ROR1: variants seen among roughly 807,000 people sequenced by gnomAD.
ROR1 encodes the protein ROR family WNT receptor 1, also known as inactive tyrosine-protein kinase transmembrane receptor ROR1.
ROR1 carries 19 observed loss-of-function variants against 78.8 expected under a neutral mutation model. The ratio of observed to expected loss-of-function variants is 0.24; its 90% CI spans 0.17 to 0.35. ROR1 has a LOEUF of 0.35. Among genes scored for constraint, ROR1 ranks in the 10% least tolerant of loss-of-function variants. The pLI is 1.00. For missense variants in ROR1, 917 were observed against 1,177.8 expected (o/e 0.78, Z 3.24); for synonymous variants, 386 against 433.6 (o/e 0.89, Z 1.36).
At chr1:64,072,963 G>A (rs1647019818) in intron 4 of ROR1, among the ~76,000 whole-genome samples, 1 of 152,146 alleles carries the variant, frequency 6.6e-6, no homozygotes, top group Non-Finnish European at 1.5e-5. Context: ...TAGAGTAGTT[G>A]TGATGAAAAA....
chr1:63,898,649 G>T (rs561711867), intron 1 of ROR1, among the ~76,000 whole-genome samples: 1 of 151,988 alleles, frequency 6.6e-6, no homozygotes, highest in East Asian at 1.9e-4. Flanking sequence ...AAAGAAGGGG[G>T]TGAAAGAGAA....
At chr1:64,100,836 G>T (rs1047582391) in intron 4 of ROR1, among the ~76,000 whole-genome samples, 1 of 152,166 alleles carries the variant, frequency 6.6e-6, no homozygotes, top group African/African-American at 2.4e-5. Context: ...ATACTCTGGG[G>T]TGTGTAATTC....
At chr1:63,838,317 G>A (rs1326902188) in intron 1 of ROR1, among the ~76,000 whole-genome samples, 1 of 151,766 alleles carries the variant, frequency 6.6e-6, no homozygotes, top group Non-Finnish European at 1.5e-5. Flanking sequence ...CCTTCAGGAG[G>A]TATTTCAGAA....
intron 7 of ROR1, among the ~76,000 whole-genome samples, chr1:64,143,759 A>C (rs562490598): frequency 3.2e-4 from 48 of 152,186 alleles, no homozygotes; most frequent in Admixed American, 5.9e-4. Context: ...CGGAACAAGC[A>C]AAAGGGAGAG....
At chr1:63,994,754 T>C (rs571884498) in intron 1 of ROR1, among the ~76,000 whole-genome samples, 2 of 152,360 alleles carry the variant, frequency 1.3e-5, no homozygotes, top group South Asian at 4.1e-4. Context: ...TGAAAATGGA[T>C]GACCACATTC....
At chr1:63,922,495 A>AGGTTTTCATT (rs1645664315) in intron 1 of ROR1, among the ~76,000 whole-genome samples, 2 of 152,274 alleles carry the variant, frequency 1.3e-5, no homozygotes, top group Admixed American at 1.3e-4. Context: ...GCATGAGTTT[A>AGGTTTTCATT]TGTCGAAGCC....
At chr1:63,931,656 A>G (rs1645753693) in intron 1 of ROR1, among the ~76,000 whole-genome samples, 3 of 152,152 alleles carry the variant, frequency 2.0e-5, no homozygotes, top group African/African-American at 7.2e-5. Context: ...TGTCCTGCGT[A>G]TCTAAGCTGT....
rs34933492 is a variant in ROR1 at position 63,786,256 on chromosome 1, A to ATTT, written c.91+11780_91+11782dup. Among the ~76,000 whole-genome samples the ATTT allele has an allele frequency of 9.2e-3, 618 of 67,524 alleles. 75 individuals are homozygous for ATTT. The highest frequency in any genetic ancestry group is 0.013 in the Admixed American group (55 of 4,084). The allele number at this position is 67,524 out of a possible 152,430, so 44.3% of individuals were successfully genotyped here. A position where few individuals can be genotyped will look rare whatever the true frequency, so the allele number is the denominator to read the frequency against. ...CCCCCCTTACGCTGGCTACAACTTG[A>ATTT]TTTTTTTTTTTTTTTTTTTTTTTTT... On this transcript the variant is annotated intron_variant, in intron 1 of 8. Transcript: ENST00000371079.
At chr1:63,890,998 T>A (rs537842501) in intron 1 of ROR1, among the ~76,000 whole-genome samples, 1 of 152,192 alleles carries the variant, frequency 6.6e-6, no homozygotes, top group South Asian at 2.1e-4. Flanking sequence ...AAACTATATT[T>A]TTCTGCCTGG....
In ROR1 at chr1:64,174,772, A is replaced by ATGTT. The variant is rs1394310131; in HGVS notation, c.1387-2656_1387-2655insTGTT. 2.6e-5 allele frequency among the ~76,000 whole-genome samples: 4 copies of ATGTT among 152,278 alleles called. No homozygotes were observed. The East Asian group carries it at 5.8e-4, about 22-fold the overall frequency. On this transcript the variant is annotated intron_variant, in intron 8 of 8. Transcript: ENST00000371079. ...TCTTAATGTCATGCAGGAAAAATTC[A>ATGTT]CCTTGAGTTACTCTTGCCAGCAAAA...
rs372420660 is a variant in ROR1 at position 64,091,431 on chromosome 1, A to G, written c.482+40715A>G. Among the ~76,000 whole-genome samples the G allele has an allele frequency of 1.6e-3, 244 of 152,318 alleles. 2 individuals carry two copies. The highest frequency in any genetic ancestry group is 4.5e-3 in the African/African-American group (189 of 41,580). On this transcript the variant is annotated intron_variant, in intron 4 of 8. Coordinates refer to ENST00000371079, the MANE Select transcript of ROR1 (RefSeq NM_005012.4). ...CCCCTTTTTAATTTATCAAAGATTC[A>G]GTATATTTGTAATCACATGTAATAA...
At chr1:64,079,291 A>G (rs1388984473) in intron 4 of ROR1, among the ~76,000 whole-genome samples, 2 of 152,352 alleles carry the variant, frequency 1.3e-5, no homozygotes, top group Admixed American at 1.3e-4. Context: ...AAGGATTTCA[A>G]TCATCTGCCA....
At chr1:64,014,551 C>T (rs1201969269) in intron 2 of ROR1, among the ~76,000 whole-genome samples, 1 of 148,552 alleles carries the variant, frequency 6.7e-6, no homozygotes, top group Non-Finnish European at 1.5e-5. Flanking sequence ...TACTCAGTCA[C>T]AAGAGGTTTC....
intron 1 of ROR1, among the ~76,000 whole-genome samples, chr1:63,790,498 A>G (rs1258622717): frequency 2.0e-5 from 3 of 152,212 alleles, no homozygotes; most frequent in Non-Finnish European, 2.9e-5. Flanking sequence ...CTGTTTTCCC[A>G]ACATGGAGTC....
At chr1:63,801,285 T>C (rs1206597405) in intron 1 of ROR1, among the ~76,000 whole-genome samples, 1 of 152,152 alleles carries the variant, frequency 6.6e-6, no homozygotes, top group Non-Finnish European at 1.5e-5. Context: ...GCTGTATTTA[T>C]GGGTATCATG....
chr1:64,152,241 C>A (rs1649648620), intron 7 of ROR1, among the ~76,000 whole-genome samples: 1 of 152,164 alleles, frequency 6.6e-6, no homozygotes, highest in African/African-American at 2.4e-5. Context: ...TATGTCACAT[C>A]CTTCATTTGA....
chr1:63,906,547 C>T (rs1474977694), intron 1 of ROR1, among the ~76,000 whole-genome samples: 1 of 152,138 alleles, frequency 6.6e-6, no homozygotes, highest in South Asian at 2.1e-4. Context: ...CAAGGTTAAG[C>T]GCTGCAGTCT....
chr1:64,063,241 A>T (rs1036070228), intron 4 of ROR1, among the ~76,000 whole-genome samples: 1 of 152,230 alleles, frequency 6.6e-6, no homozygotes, highest in East Asian at 1.9e-4. Context: ...GTTTGTTTGT[A>T]CAGATTCCTC....
At chr1:63,861,170 A>T (rs1645179590) in intron 1 of ROR1, among the ~76,000 whole-genome samples, 1 of 152,182 alleles carries the variant, frequency 6.6e-6, no homozygotes, top group Non-Finnish European at 1.5e-5. Context: ...GGGACTGTTG[A>T]GTCCAGAAAC....
Sources: allele counts gnomAD v4.1 joint callset (sites outside exome capture counted in the v4.1 genomes callset), GRCh38; gene constraint gnomAD v4.1.1; transcripts MANE v1.5; gene names NCBI Gene and HGNC (gene_info 2026-07-23, HGNC 2026-07-21).